Variants in OPCML observed in about 807,000 individuals in gnomAD.
OPCML encodes opioid binding protein/cell adhesion molecule like.
OPCML carries 13 observed loss-of-function variants against 37.8 expected under a neutral mutation model. The ratio of observed to expected loss-of-function variants is 0.34; its 90% CI spans 0.22 to 0.55. The LOEUF (loss-of-function observed/expected upper bound fraction) is 0.55. OPCML is among the 20% of genes least tolerant of loss of function. The pLI is 0.91. For synonymous variants in OPCML, 176 were observed against 168.8 expected, an observed-to-expected ratio of 1.04 and a Z score of -0.33; for missense variants, 341 against 435.6, an observed-to-expected ratio of 0.78 and a Z score of 1.93.
intron 1 of OPCML, among the ~76,000 whole-genome samples, chr11:133,280,677 A>C (rs563513241): frequency 1.1e-4 from 16 of 152,298 alleles, no homozygotes; most frequent in African/African-American, 3.1e-4. Flanking sequence ...GGGAGGAGAC[A>C]AAATAGTAAC....
At chr11:133,024,675 G>A in intron 1 of OPCML, 2 of 842,476 alleles carry the variant, frequency 2.4e-6, no homozygotes, top group Non-Finnish European at 2.9e-6. Flanking sequence ...AAGATGTTTG[G>A]TCTATGAAAG....
chr11:133,067,076 T>C (rs1304283506), intron 1 of OPCML: 1 of 152,178 alleles, frequency 6.6e-6, no homozygotes, highest in Non-Finnish European at 1.5e-5. Context: ...TGAAAACTGG[T>C]GCGAAGGAAT....
chr11:132,754,854 A>G (rs1485409596), intron 2 of OPCML, among the ~76,000 whole-genome samples: 1 of 152,176 alleles, frequency 6.6e-6, no homozygotes, highest in African/African-American at 2.4e-5. Flanking sequence ...GTTTCTGGAA[A>G]TCAAGCAGTT....
chr11:132,465,581 T>A (rs2096117139), intron 4 of OPCML, among the ~76,000 whole-genome samples: 1 of 152,120 alleles, frequency 6.6e-6, no homozygotes, highest in African/African-American at 2.4e-5. Flanking sequence ...TCTATGTTAT[T>A]TTGTGTATAG....
intron 2 of OPCML, among the ~76,000 whole-genome samples, chr11:132,788,885 T>C (rs566818647): frequency 6.6e-6 from 1 of 151,492 alleles, no homozygotes; most frequent in Non-Finnish European, 1.5e-5. Flanking sequence ...GGATTAAACC[T>C]CATGGCAGCT....
rs576273156 is a variant in OPCML at position 132,571,650 on chromosome 11, G to A, written c.380-42464C>T. ...CTATTCTATCATACACATACACCAC[G>A]TTGTCTTTAGCCACTCATCCATCAG... is the stretch of plus-strand genomic sequence containing the variant. On this transcript the variant is annotated intron_variant, in intron 3 of 7. Coordinates refer to ENST00000524381, the MANE Select transcript of OPCML (RefSeq NM_001012393.5). 1.4e-4 allele frequency among the ~76,000 whole-genome samples: 21 copies of A among 152,180 alleles called. No homozygotes were observed. In the South Asian group the frequency reaches 3.7e-3, roughly 27 times the overall value.
rs564399134 is a variant in OPCML, at chr11:133,205,275, T to C, written c.62-262265A>G. On this transcript the variant is annotated intron_variant, in intron 1 of 7. Coordinates refer to ENST00000524381, the MANE Select transcript of OPCML (RefSeq NM_001012393.5). This position sits in a 1 kb window ranked among gnomAD's most constrained non-coding sequence, Gnocchi z 4.8. Reference sequence around the variant, plus strand: ...GGTAGGTTCCTTGAGGGTGGTGCTCTGGAAGAGGGCCTGGAAGCTCTACAC... The same window carrying C: ...GGTAGGTTCCTTGAGGGTGGTGCTCCGGAAGAGGGCCTGGAAGCTCTACAC... 1.3e-4 allele frequency among the ~76,000 whole-genome samples: 20 copies of C among 151,890 alleles called. No homozygotes were observed. The highest frequency in any genetic ancestry group is 4.3e-4 in the African/African-American group (18 of 41,422).
rs1315137469 is a variant in OPCML at position 133,141,003 on chromosome 11, C to CGAAGACGAAGACGAA, written c.62-197994_62-197993insTTCGTCTTCGTCTTC. ...AAGAAGAAGAAGAAGAAGAAGACGA[C>CGAAGACGAAGACGAA]GACGACGACGACGACGACGACGACG... is the stretch of plus-strand genomic sequence containing the variant. On this transcript the variant is annotated intron_variant, in intron 1 of 7. Transcript: ENST00000524381. 7.6e-4 allele frequency among the ~76,000 whole-genome samples: 4 copies of CGAAGACGAAGACGAA among 5,254 alleles called. 2 individuals are homozygous for CGAAGACGAAGACGAA. Among genetic ancestry groups the CGAAGACGAAGACGAA allele is most frequent in the African/African-American group, 1.6e-3 (4 of 2,522 alleles). 3.4% of individuals were successfully genotyped at this position (5,254 alleles called of 152,430 possible).
rs1939386592 is a variant in OPCML at position 133,212,122 on chromosome 11, T to C, written c.62-269112A>G. On this transcript the variant is annotated intron_variant, in intron 1 of 7. Transcript: ENST00000524381. This position sits in a 1 kb window ranked among gnomAD's most constrained non-coding sequence, Gnocchi z 4.9. ...AGGTGGGGGGTCAGGATCCTTCACC[T>C]GCTGGAACCTGAGCATGAAAGTACC... is the stretch of plus-strand genomic sequence containing the variant. 1.3e-5 allele frequency among the ~76,000 whole-genome samples: 2 copies of C among 149,558 alleles called. No homozygotes were observed. Among genetic ancestry groups the C allele is most frequent in the African/African-American group, 2.6e-5 (1 of 38,992 alleles).
chr11:132,875,237 T>C (rs1369571631), intron 2 of OPCML, among the ~76,000 whole-genome samples: 9 of 152,164 alleles, frequency 5.9e-5, no homozygotes, highest in African/African-American at 2.2e-4. Context: ...TTTTCTAGAC[T>C]GAAAAGTAAA....
intron 3 of OPCML, among the ~76,000 whole-genome samples, chr11:132,553,924 C>A (rs1591542040): frequency 6.6e-6 from 1 of 152,244 alleles, no homozygotes; most frequent in Non-Finnish European, 1.5e-5. Flanking sequence ...ATTTGGAAAC[C>A]ATGAGCCAAA....
chr11:132,444,596 A>G (rs1449491202), intron 4 of OPCML, among the ~76,000 whole-genome samples: 1 of 152,168 alleles, frequency 6.6e-6, no homozygotes, highest in Non-Finnish European at 1.5e-5. Context: ...GGCTAAGCCC[A>G]CAGTATGTGT....
chr11:132,600,338 T>C lies in OPCML; in HGVS notation c.379+56749A>G, dbSNP rs577698073. ...TTCATCTTTGCAAAGACGAAGACTC[T>C]GTAAGTGACAACACTCTGGAAATAG... On this transcript the variant is annotated intron_variant, in intron 3 of 7. Transcript: ENST00000524381. Among the ~76,000 whole-genome samples the C allele has an allele frequency of 2.0e-4, 30 of 152,322 alleles. No homozygotes were observed. The South Asian group carries it at 6.2e-3, about 32-fold the overall frequency.
intron 2 of OPCML, among the ~76,000 whole-genome samples, chr11:132,782,829 AT>A (rs969881977): frequency 1.3e-5 from 2 of 149,772 alleles, no homozygotes; most frequent in African/African-American, 4.9e-5. Context: ...TAGATACATT[AT>A]ATCTCTATAT....
chr11:132,816,938 G>A (rs1939670942), intron 2 of OPCML, among the ~76,000 whole-genome samples: 1 of 152,168 alleles, frequency 6.6e-6, no homozygotes, highest in Non-Finnish European at 1.5e-5. Flanking sequence ...TCCAGGATTG[G>A]AAAGACAGTT....
At chr11:133,133,959 A>G (rs897062225) in intron 1 of OPCML, among the ~76,000 whole-genome samples, 1 of 152,160 alleles carries the variant, frequency 6.6e-6, no homozygotes, top group Non-Finnish European at 1.5e-5. Flanking sequence ...CACGGGACAA[A>G]GCACCTTACT....
At chr11:132,536,066 A>T (rs1169493892) in intron 3 of OPCML, among the ~76,000 whole-genome samples, 1 of 152,120 alleles carries the variant, frequency 6.6e-6, no homozygotes, top group Non-Finnish European at 1.5e-5. Flanking sequence ...AGTCATTGCT[A>T]CACCCCCGCA....
chr11:132,544,784 T>C (rs1469081367), intron 3 of OPCML, among the ~76,000 whole-genome samples: 2 of 152,138 alleles, frequency 1.3e-5, no homozygotes, highest in Non-Finnish European at 2.9e-5. Context: ...GGGTCGTCAT[T>C]TCCCACTTGT....
intron 2 of OPCML, among the ~76,000 whole-genome samples, chr11:132,666,971 A>T (rs1335449348): frequency 6.6e-6 from 1 of 152,190 alleles, no homozygotes; most frequent in Non-Finnish European, 1.5e-5. Context: ...ATCCCTATAG[A>T]TGTGAGAGTA....
Sources: gnomAD v4.1 joint callset for allele counts (sites outside exome capture counted in the v4.1 genomes callset) on GRCh38, gnomAD v4.1.1 for gene constraint, Gnocchi (gnomAD v3.1) non-coding constraint, MANE v1.5 for transcripts, NCBI Gene and HGNC (gene_info 2026-07-23, HGNC 2026-07-21) for gene names.